Variants in LAMB2 observed in about 807,000 individuals in gnomAD.
The protein encoded by LAMB2 is laminin subunit beta-2.
A neutral mutation model predicts 202.7 loss-of-function variants in LAMB2; 119 were observed. The ratio of observed to expected loss-of-function variants is 0.59; its 90% CI spans 0.51 to 0.68. The LOEUF (loss-of-function observed/expected upper bound fraction) is 0.68, where lower values mean the gene tolerates loss of function less well. Ranked by LOEUF, LAMB2 falls within the 30% of genes least tolerant of loss-of-function variation. The pLI, the probability that LAMB2 is intolerant of heterozygous loss-of-function variation, is 0.00. For synonymous variants in LAMB2, 818 were observed against 902.2 expected (o/e 0.91, Z 1.67); for missense variants, 2,124 against 2,410.6 (o/e 0.88, Z 2.49).
At position 49,122,220 on chromosome 3, in the gene LAMB2, C is replaced by A. The variant is rs1298198615; in HGVS notation, c.4724G>T (p.Arg1575Leu). 6.2e-7 allele frequency: 1 copy of A among 1,613,486 alleles called. No homozygotes were observed. The highest frequency in any genetic ancestry group is 8.5e-7 in the Non-Finnish European group (1 of 1,180,036). ...GGCACGACGCACATCTCCTACAGTA[C>A]GTGCCAGGATCGCATCCACATCTGC... ...SLADVDAILA[R>L]TVGDVRRAEQ... Residue 1575 changes from arginine (R) to leucine (L), a missense_variant, in exon 28 of 32, where the codon CGT (arginine) becomes CTT (leucine). Arg to Leu is a moderately radical substitution (Grantham distance 102). Coordinates refer to ENST00000305544, the MANE Select transcript of LAMB2 (RefSeq NM_002292.4).
chr3:49,123,787 A>G lies in LAMB2; in HGVS notation c.3738T>C (p.Gly1246=). The G allele has an allele frequency of 6.2e-7, 1 of 1,613,294 alleles. No individual in the cohort carries two copies. Among genetic ancestry groups the G allele is most frequent in the Non-Finnish European group, 8.5e-7 (1 of 1,180,022 alleles). ...EKLGIVQGIV[G]ARNTSAASTA... ...TGGAGGCGGCTGAGGTGTTGCGGGC[A>G]CCTACGATGCCCTGCACAATGCCCA... is the stretch of plus-strand genomic sequence containing the variant. Residue 1246 remains glycine, a synonymous_variant, in exon 24 of 32, where the codon GGT becomes GGC. Transcript: ENST00000305544.
chr3:49,128,315 AG>A, intron 15 of LAMB2, 142 bp downstream of exon 15: 1 of 1,091,584 alleles, frequency 9.2e-7, no homozygotes. Flanking sequence ...CATGCCCAAC[AG>A]GGCCTGGCAA....
chr3:49,129,437 C>A lies in LAMB2; in HGVS notation c.1519-113G>T. On this transcript the variant is annotated intron_variant, in intron 11 of 31. Transcript: ENST00000305544. This position sits in a 1 kb window ranked among gnomAD's most constrained non-coding sequence, Gnocchi z 6.1. ...TCAATCACCCCTCAGTGAAAACATG[C>A]CCCCCAGACCACTGGCCCACATCCT... 1 of 1,113,290 alleles carries A rather than the reference C, an allele frequency of 9.0e-7. No homozygotes were observed. Among genetic ancestry groups the A allele is most frequent in the South Asian group, 1.3e-5 (1 of 75,288 alleles). 69.0% of individuals were successfully genotyped at this position (1,113,290 alleles called of 1,614,324 possible).
In LAMB2 at chr3:49,123,343, C is replaced by T. The variant is rs1414720084; in HGVS notation, c.4013G>A (p.Ser1338Asn). The T allele has an allele frequency of 6.2e-7, 1 of 1,613,908 alleles. No individual in the cohort carries two copies. The highest frequency in any genetic ancestry group is 2.2e-5 in the East Asian group (1 of 44,898). ...ACGACGTTCTGCCTCTGCAGACTGG[C>T]TATGGGCATGCCGGATGCTGTCATA... ...GAYDSIRHAH[S>N]QSAEAERRAN... Residue 1338 changes from serine (S) to asparagine (N), a missense_variant, in exon 26 of 32, where the codon AGC becomes AAC. Transcript: ENST00000305544.
At chr3:49,128,336 TG>T in intron 15 of LAMB2, 121 bp downstream of exon 15, 1 of 1,290,066 alleles carries the variant, frequency 7.8e-7, no homozygotes, top group Non-Finnish European at 1.1e-6. Context: ...ACCAGCATTC[TG>T]GAGGTATTTG....
At position 49,124,107 on chromosome 3, in the gene LAMB2, G is replaced by A; in HGVS notation, c.3425-7C>T. The A allele has an allele frequency of 6.2e-7, 1 of 1,614,170 alleles. No individual in the cohort carries two copies. Among genetic ancestry groups the A allele is most frequent in the Non-Finnish European group, 8.5e-7 (1 of 1,180,044 alleles). ...CGAGAGTCACAATCACAGGCTGCAA[G>A]AAAGAGCAGAGCACAGAGTTAGGGT... On this transcript the variant is annotated splice_region_variant and splice_polypyrimidine_tract_variant and intron_variant, in intron 23 of 31. Transcript: ENST00000305544.
chr3:49,123,472 G>A lies in LAMB2; in HGVS notation c.3957C>T (p.Asp1319=). ...LTLRQLDQHL[D]LLKHSNFLGA... ...CCAGGAAGTTTGAATGTTTGAGCAA[G>A]TCAAGATGCTGGTCGAGCTGCCGCA... Residue 1319 remains aspartate, a synonymous_variant, in exon 25 of 32, where the codon GAC becomes GAT. Transcript: ENST00000305544. 6.2e-7 allele frequency: 1 copy of A among 1,614,154 alleles called. No individual in the cohort carries two copies.
At position 49,122,749 on chromosome 3, in the gene LAMB2, G is replaced by A; in HGVS notation, c.4528C>T (p.Gln1510Ter). ...CTCTGGATAAGTTCTTGAAGTTCCT[G>A]GTTGGCCTGTTCCACCTGTCCCCTG... ...ASRGQVEQAN[Q>*]ELQELIQSVK... The change falls in exon 27 of 32, where the codon CAG becomes TAG. Residue 1510 changes from glutamine (Q) to a stop codon, truncating the protein, a stop_gained. Coordinates refer to ENST00000305544, the MANE Select transcript of LAMB2 (RefSeq NM_002292.4). LOFTEE classifies it high-confidence loss of function. 1 of 1,614,138 alleles carries A rather than the reference G, an allele frequency of 6.2e-7. No homozygotes were observed. Among genetic ancestry groups the A allele is most frequent in the African/African-American group, 1.3e-5 (1 of 75,018 alleles).
chr3:49,133,013 C>G lies in LAMB2; in HGVS notation c.-146G>C, dbSNP rs886058678. On this transcript the variant is annotated 5_prime_UTR_variant, in exon 1 of 32. Coordinates refer to ENST00000305544, the MANE Select transcript of LAMB2 (RefSeq NM_002292.4). ...TCTGTCAGTTCCCAGGTCTGTCCAG[C>G]GGTCCCTCCGACAGCTTAGAGTCCA... is the stretch of plus-strand genomic sequence containing the variant. The G allele has an allele frequency of 1.4e-6, 1 of 708,292 alleles. No homozygotes were observed. The highest frequency in any genetic ancestry group is 2.2e-5 in the Admixed American group (1 of 44,970). 43.9% of individuals were successfully genotyped at this position (708,292 alleles called of 1,614,324 possible).
rs746150668 is a variant in LAMB2 at position 49,131,534 on chromosome 3, C to T, written c.648+1G>A. The T allele has an allele frequency of 1.9e-6, 3 of 1,613,920 alleles. No individual in the cohort carries two copies. Among genetic ancestry groups the T allele is most frequent in the African/African-American group, 2.7e-5 (2 of 74,914 alleles). ...CCCCCAGCCCAGATGCCAGCCCTCA[C>T]CTCGCCTTCAGTGGATGGCTCAATC... On this transcript the variant is annotated splice_donor_variant, in intron 5 of 31. Coordinates refer to ENST00000305544, the MANE Select transcript of LAMB2 (RefSeq NM_002292.4). LOFTEE classifies it high-confidence loss of function. The surrounding 1 kb of genome is among the most constrained non-coding windows in gnomAD (Gnocchi z 5.0).
At position 49,130,921 on chromosome 3, in the gene LAMB2, C is replaced by A. The variant is rs1378461652; in HGVS notation, c.915+29G>T. ...CAGCCATGTCCGCCCCTGCCCCTAG[C>A]CCTATCCCAACCGTCTGAAGCCCCT... On this transcript the variant is annotated intron_variant, in intron 7 of 31. Coordinates refer to ENST00000305544, the MANE Select transcript of LAMB2 (RefSeq NM_002292.4). This position sits in a 1 kb window ranked among gnomAD's most constrained non-coding sequence, Gnocchi z 5.0. The A allele has an allele frequency of 5.0e-6, 8 of 1,614,168 alleles. No individual in the cohort carries two copies. In the South Asian group the frequency reaches 7.7e-5, roughly 16 times the overall value.
Position 49,125,496 on chromosome 3 carries a change from G to A in LAMB2, c.2489-12C>T. 6.4e-7 allele frequency: 1 copy of A among 1,570,680 alleles called. No individual in the cohort carries two copies. Among genetic ancestry groups the A allele is most frequent in the Non-Finnish European group, 8.6e-7 (1 of 1,157,182 alleles). On this transcript the variant is annotated splice_polypyrimidine_tract_variant and intron_variant, in intron 18 of 31. Coordinates refer to ENST00000305544, the MANE Select transcript of LAMB2 (RefSeq NM_002292.4). ...GCTGCACTGGCAGGCTAGGAGCAAG[G>A]CAGAGCTGAGCCAGAGCCAGGGGAG...
chr3:49,130,757 T>C lies in LAMB2; in HGVS notation c.1019A>G (p.His340Arg). ...TCACTCACTCCTACAGGCATGACTA[T>C]GGCCGTCCTCAGCCGGACGCCAGGG... Reference protein sequence around the residue: ...DLPWRPAEDGHSHACRKCECH... With the variant: ...DLPWRPAEDGRSHACRKCECH... The change falls in exon 8 of 32, where the codon CAT becomes CGT. Residue 340 changes from histidine to arginine, a missense_variant. His to Arg is a conservative substitution (Grantham distance 29). Around this residue, in one of 3 missense-constraint regions of LAMB2, gnomAD observed 256 missense variants for 356.1 expected, o/e 0.72. Coordinates refer to ENST00000305544, the MANE Select transcript of LAMB2 (RefSeq NM_002292.4). The surrounding 1 kb of genome is among the most constrained non-coding windows in gnomAD (Gnocchi z 5.0). 2 of 1,614,084 alleles carry C rather than the reference T, an allele frequency of 1.2e-6. No homozygotes were observed. Among genetic ancestry groups the C allele is most frequent in the South Asian group, 1.1e-5 (1 of 91,086 alleles).
In LAMB2 at chr3:49,122,267, A is replaced by C. The variant is rs776475773; in HGVS notation, c.4677T>G (p.Ile1559Met). Residue 1559 changes from isoleucine (I) to methionine (M), a missense_variant, in exon 28 of 32, where the codon ATT becomes ATG. Ile to Met is a conservative substitution (Grantham distance 10, BLOSUM62 1). Around this residue, in one of 3 missense-constraint regions of LAMB2, gnomAD observed 1,702 missense variants for 1,896.3 expected, o/e 0.90. Coordinates refer to ENST00000305544, the MANE Select transcript of LAMB2 (RefSeq NM_002292.4). ...AEQIQHLAGAIAERVRSLADV... is the reference protein window; with the variant it reads ...AEQIQHLAGAMAERVRSLADV... ...CTGCCAGGCTCCGGACTCGCTCTGC[A>C]ATCGCACCCGCCAGGTGCTGGATCT... 6.2e-7 allele frequency: 1 copy of C among 1,613,514 alleles called. No homozygotes were observed. The highest frequency in any genetic ancestry group is 1.7e-5 in the Admixed American group (1 of 60,030).
chr3:49,133,039 G>C lies in LAMB2; in HGVS notation c.-172C>G. ...GGTCCCTCCGACAGCTTAGAGTCCA[G>C]CGACTTTGAGCAAAGTTGGGAATCG... On this transcript the variant is annotated 5_prime_UTR_variant, in exon 1 of 32. Coordinates refer to ENST00000305544, the MANE Select transcript of LAMB2 (RefSeq NM_002292.4). The C allele has an allele frequency of 1.6e-6, 1 of 624,040 alleles. No individual in the cohort carries two copies. The highest frequency in any genetic ancestry group is 2.9e-6 in the Non-Finnish European group (1 of 348,912). The allele number at this position is 624,040 out of a possible 1,614,324, so 38.7% of individuals were successfully genotyped here.
intron 18 of LAMB2, 79 bp downstream of exon 18, chr3:49,125,668 A>G (rs2045405884): frequency 6.4e-7 from 1 of 1,568,562 alleles, no homozygotes; most frequent in Non-Finnish European, 8.7e-7. Context: ...GGAAACCAGC[A>G]GCAGGTCCAG....
chr3:49,130,297 C>T lies in LAMB2; in HGVS notation c.1159G>A (p.Glu387Lys). The change falls in exon 9 of 32, where the codon GAG becomes AAG. Residue 387 changes from glutamate to lysine, a missense_variant. This residue lies in a region of LAMB2 where 1,702 missense variants were observed against 1,896.3 expected (regional missense o/e 0.90). Transcript: ENST00000305544. This position sits in a 1 kb window ranked among gnomAD's most constrained non-coding sequence, Gnocchi z 5.0. ...CGGTAGAAGAAGGGCCGACAGAGCTCACAGTGGCGCCCAGCTGTGTTATGC... is the reference window on the plus strand; with the variant it reads ...CGGTAGAAGAAGGGCCGACAGAGCTTACAGTGGCGCCCAGCTGTGTTATGC... ...CQHNTAGRHC[E>K]LCRPFFYRDP... The T allele has an allele frequency of 6.2e-7, 1 of 1,614,234 alleles. No homozygotes were observed. Among genetic ancestry groups the T allele is most frequent in the Non-Finnish European group, 8.5e-7 (1 of 1,180,048 alleles).
In LAMB2 at chr3:49,124,523, A is replaced by G; in HGVS notation, c.3199T>C (p.Cys1067Arg). The G allele has an allele frequency of 2.5e-6, 4 of 1,613,790 alleles. No homozygotes were observed. Among genetic ancestry groups the G allele is most frequent in the Non-Finnish European group, 3.4e-6 (4 of 1,179,990 alleles). ...HCDPSSGQCP[C>R]LPNVQGPSCD... ...CTAGGGCCCTGGACATTGGGGAGGCATGGGCACTGCCCACTGCTTGGATCA... is the reference window on the plus strand; with the variant it reads ...CTAGGGCCCTGGACATTGGGGAGGCGTGGGCACTGCCCACTGCTTGGATCA... The change falls in exon 22 of 32, where the codon TGC (cysteine) becomes CGC (arginine). Residue 1067 changes from cysteine (C) to arginine (R), a missense_variant. By Grantham distance (180) the Cys-to-Arg change is radical. Around this residue, in one of 3 missense-constraint regions of LAMB2, gnomAD observed 1,702 missense variants for 1,896.3 expected, o/e 0.90. Coordinates refer to ENST00000305544, the MANE Select transcript of LAMB2 (RefSeq NM_002292.4).
Position 49,129,682 on chromosome 3 carries a change from C to G in LAMB2, c.1440G>C (p.Gly480=), listed in dbSNP as rs2045460248. The G allele has an allele frequency of 6.2e-7, 1 of 1,614,030 alleles. No individual in the cohort carries two copies. Residue 480 remains glycine, a synonymous_variant, in exon 11 of 32, where the codon GGG becomes GGC. Coordinates refer to ENST00000305544, the MANE Select transcript of LAMB2 (RefSeq NM_002292.4). This position sits in a 1 kb window ranked among gnomAD's most constrained non-coding sequence, Gnocchi z 6.1. ...CACTGTTGGGGTCACAAGGAGTGCT[C>G]CCAGGCACTGTGCCCCGTGCATTAC... ...CQCNARGTVP[G]STPCDPNSGS... is the part of the protein sequence containing the mutation.
Sources: gnomAD v4.1 joint callset for allele counts on GRCh38, gnomAD v4.1.1 for gene constraint, gnomAD v4.1.1 regional missense constraint, Gnocchi (gnomAD v3.1) non-coding constraint, MANE v1.5 for transcripts, NCBI Gene and HGNC (gene_info 2026-07-23, HGNC 2026-07-21) for gene names.